Variants in CSMD1 observed in about 807,000 individuals in gnomAD.
The protein encoded by CSMD1 is CUB and Sushi multiple domains 1.
A neutral mutation model predicts 417.5 loss-of-function variants in CSMD1; 213 were observed. The observed-to-expected ratio is 0.51, with a 90% CI of 0.46 to 0.57. The LOEUF (loss-of-function observed/expected upper bound fraction) is 0.57, where lower values mean the gene tolerates loss of function less well. Among genes scored for constraint, CSMD1 ranks in the 20% least tolerant of loss-of-function variants. The pLI, the probability that CSMD1 is intolerant of heterozygous loss-of-function variation, is 0.00. For missense variants in CSMD1, 6,923 were observed against 4,529.7 expected (o/e 1.53, Z -15.17); for synonymous variants, 2,862 against 1,736.8 (o/e 1.65, Z -16.11).
intron 1 of CSMD1, among the ~76,000 whole-genome samples, chr8:4,859,914 A>G (rs1175861211): frequency 6.6e-6 from 1 of 152,162 alleles, no homozygotes; most frequent in Admixed American, 6.5e-5. Flanking sequence ...TACTGGGTAT[A>G]TACCCAAAGG....
chr8:4,103,018 T>A (rs1306613980), intron 3 of CSMD1, among the ~76,000 whole-genome samples: 1 of 152,196 alleles, frequency 6.6e-6, no homozygotes, highest in Admixed American at 6.5e-5. Context: ...TTTTACTCTT[T>A]GACATTGTGA....
chr8:4,855,192 C>A (rs932417434), intron 1 of CSMD1, among the ~76,000 whole-genome samples: 1 of 149,898 alleles, frequency 6.7e-6, no homozygotes, highest in Admixed American at 6.8e-5. Flanking sequence ...AACAGACCTG[C>A]AGCTGACGGT....
chr8:3,282,537 T>C (rs1470130216), intron 26 of CSMD1, among the ~76,000 whole-genome samples: 1 of 83,994 alleles, frequency 1.2e-5, no homozygotes, highest in Non-Finnish European at 2.8e-5. Context: ...TAAGAAAATT[T>C]TATATCACAA....
At chr8:3,931,979 A>G (rs554660055) in intron 5 of CSMD1, among the ~76,000 whole-genome samples, 1 of 150,136 alleles carries the variant, frequency 6.7e-6, no homozygotes, top group East Asian at 2.0e-4. Context: ...TTAAAATAGT[A>G]TTGATTTAGA....
chr8:4,983,579 G>C (rs902558314), intron 1 of CSMD1, among the ~76,000 whole-genome samples: 10 of 152,150 alleles, frequency 6.6e-5, no homozygotes, highest in African/African-American at 2.4e-4. Flanking sequence ...CTGGAAGGCA[G>C]TGGTGCAATC....
chr8:3,992,145 C>A (rs1353353315), intron 5 of CSMD1, among the ~76,000 whole-genome samples: 2 of 150,578 alleles, frequency 1.3e-5, no homozygotes, highest in African/African-American at 2.4e-5. Flanking sequence ...TGTGTATGTA[C>A]ATATATTATA....
chr8:4,118,323 T>C (rs1246090515), intron 3 of CSMD1, among the ~76,000 whole-genome samples: 1 of 151,942 alleles, frequency 6.6e-6, no homozygotes, highest in Non-Finnish European at 1.5e-5. Flanking sequence ...TGCAGCAAAC[T>C]TAAAAATAGA....
chr8:4,752,025 T>C (rs1811365235), intron 1 of CSMD1, among the ~76,000 whole-genome samples: 1 of 152,198 alleles, frequency 6.6e-6, no homozygotes, highest in African/African-American at 2.4e-5. Flanking sequence ...GTATCTACAT[T>C]AAATATGTAT....
intron 2 of CSMD1, among the ~76,000 whole-genome samples, chr8:4,606,204 C>T (rs568611434): frequency 6.6e-6 from 1 of 152,094 alleles, no homozygotes; most frequent in Non-Finnish European, 1.5e-5. Context: ...ACTCAGCACG[C>T]CTTGCAGGTC....
At chr8:4,204,773 G>T (rs550659622) in intron 3 of CSMD1, among the ~76,000 whole-genome samples, 85 of 152,176 alleles carry the variant, frequency 5.6e-4, no homozygotes, top group Non-Finnish European at 1.0e-3. Context: ...TCCTGCCTCA[G>T]CCTCCTGAGT....
At chr8:4,017,688 A>G (rs1796588702) in intron 4 of CSMD1, among the ~76,000 whole-genome samples, 1 of 152,142 alleles carries the variant, frequency 6.6e-6, no homozygotes. Flanking sequence ...TTCGACTTCA[A>G]AAACTGCATG....
intron 3 of CSMD1, among the ~76,000 whole-genome samples, chr8:4,039,045 G>A (rs145673687): frequency 1.5e-3 from 170 of 113,058 alleles, no homozygotes; most frequent in African/African-American, 6.3e-3. Flanking sequence ...AAAAGTGAAA[G>A]CATGATACTA....
intron 3 of CSMD1, among the ~76,000 whole-genome samples, chr8:4,375,056 T>C (rs377683791): frequency 5.1e-4 from 77 of 151,206 alleles, no homozygotes; most frequent in African/African-American, 1.8e-3. Context: ...GAGGCTGTTA[T>C]AGGTAGAAAA....
Position 3,795,178 on chromosome 8 carries a change from G to GATATAGATA in CSMD1, c.819-41137_819-41136insTATCTATAT, listed in dbSNP as rs1358295593. ...CAGCTATAGATACCTATCATGTACAGCTATAGATACCTATCATGTACAGAT... is the reference window on the plus strand; with the variant it reads ...CAGCTATAGATACCTATCATGTACAGATATAGATACTATAGATACCTATCATGTACAGAT... On this transcript the variant is annotated intron_variant, in intron 5 of 69. Transcript: ENST00000635120. Among the ~76,000 whole-genome samples, 21 of 69,762 alleles carry GATATAGATA rather than the reference G, an allele frequency of 3.0e-4. 2 individuals carry two copies. The highest frequency in any genetic ancestry group is 9.0e-4 in the South Asian group (2 of 2,216). The allele number at this position is 69,762 out of a possible 152,430, so 45.8% of individuals were successfully genotyped here.
chr8:4,764,871 T>TAAAAAAAAAAAAAA (rs1812340688), intron 1 of CSMD1, among the ~76,000 whole-genome samples: 1 of 21,382 alleles, frequency 4.7e-5, no homozygotes, highest in African/African-American at 2.4e-4. Context: ...AGACTCCATC[T>TAAAAAAAAAAAAAA]CAAAAAAAAA....
rs534979572 is a variant in CSMD1, at chr8:3,866,303, GC to G, written c.819-112262del. 2.4e-3 allele frequency among the ~76,000 whole-genome samples: 359 copies of G among 152,258 alleles called. 1 individual carries two copies. Among genetic ancestry groups the G allele is most frequent in the African/African-American group, 8.3e-3 (344 of 41,556 alleles). ...AATAAATACTTCTTAAAAGGAAGCT[GC>G]TGTAAAAGGCTGGCTGAACCCTGGG... is the stretch of plus-strand genomic sequence containing the variant. On this transcript the variant is annotated intron_variant, in intron 5 of 69. Transcript: ENST00000635120.
intron 1 of CSMD1, among the ~76,000 whole-genome samples, chr8:4,781,696 T>C (rs1436325713): frequency 1.3e-5 from 2 of 152,186 alleles, no homozygotes; most frequent in African/African-American, 2.4e-5. Context: ...AGTCAGGTGA[T>C]GGAGTATATA....
At chr8:3,242,144 T>C (rs1799578167) in intron 26 of CSMD1, among the ~76,000 whole-genome samples, 1 of 151,826 alleles carries the variant, frequency 6.6e-6, no homozygotes, top group Admixed American at 6.6e-5. Flanking sequence ...AGCCACCTTT[T>C]AAGAGTAAAT....
intron 3 of CSMD1, among the ~76,000 whole-genome samples, chr8:4,275,228 AT>A (rs1247825435): frequency 1.3e-5 from 2 of 151,950 alleles, no homozygotes; most frequent in African/African-American, 2.4e-5. Flanking sequence ...GTTTTTATTG[AT>A]TTTTTTACAA....
Sources: allele counts gnomAD v4.1 joint callset (sites outside exome capture counted in the v4.1 genomes callset), GRCh38; gene constraint gnomAD v4.1.1; transcripts MANE v1.5; gene names NCBI Gene and HGNC (gene_info 2026-07-23, HGNC 2026-07-21).